UBAP1L: variants seen among roughly 807,000 people sequenced by gnomAD.
The protein encoded by UBAP1L is ubiquitin-associated protein 1-like.
UBAP1L carries 32 observed loss-of-function variants against 32.1 expected under a neutral mutation model. That is an observed-to-expected ratio of 1.00 (90% confidence interval 0.75 to 1.34). UBAP1L has a LOEUF of 1.34. UBAP1L is among the 40% of genes most tolerant of loss of function. The pLI is 0.00. For synonymous variants in UBAP1L, 243 were observed against 250.2 expected, an observed-to-expected ratio of 0.97 and a Z score of 0.27; for missense variants, 516 against 540.5, an observed-to-expected ratio of 0.95 and a Z score of 0.45.
rs1157904492 is a variant in UBAP1L at position 65,102,327 on chromosome 15, G to A, written c.478C>T (p.Arg160Trp). 14 of 1,449,682 alleles carry A rather than the reference G, an allele frequency of 9.7e-6. No individual in the cohort carries two copies. The East Asian group carries it at 1.5e-4, about 16-fold the overall frequency. The allele number at this position is 1,449,682 out of a possible 1,614,324, so 89.8% of individuals were successfully genotyped here. Residue 160 changes from arginine (R) to tryptophan (W), a missense_variant, in exon 3 of 6, where the codon CGG (arginine) becomes TGG (tryptophan). Coordinates refer to ENST00000559089, the MANE Select transcript of UBAP1L (RefSeq NM_001163692.2). This position sits in a 1 kb window ranked among gnomAD's most constrained non-coding sequence, Gnocchi z 5.0. ...ACCAGCTTCCCCTCGGAGAGCCGCC[G>A]CCGCGCCCCTGCCAGCTCCAACCGC... ...GVRLELAGAR[R>W]RLSEGKLVSR...
At position 65,102,030 on chromosome 15, in the gene UBAP1L, G is replaced by A; in HGVS notation, c.699+76C>T. The A allele has an allele frequency of 3.2e-6, 2 of 619,614 alleles. No individual in the cohort carries two copies. Among genetic ancestry groups the A allele is most frequent in the East Asian group, 4.0e-5 (1 of 25,252 alleles). 38.4% of individuals were successfully genotyped at this position (619,614 alleles called of 1,614,324 possible). A position where few individuals can be genotyped will look rare whatever the true frequency, so the allele number is the denominator to read the frequency against. ...GCGTGGAGTAGGGGACCGAGGCTGCGGGCTGGGCTGGACACCCAGATTATG... is the reference window on the plus strand; with the variant it reads ...GCGTGGAGTAGGGGACCGAGGCTGCAGGCTGGGCTGGACACCCAGATTATG... On this transcript the variant is annotated intron_variant, in intron 3 of 5. Transcript: ENST00000559089. The surrounding 1 kb of genome is among the most constrained non-coding windows in gnomAD (Gnocchi z 5.0).
In UBAP1L at chr15:65,102,705, A is replaced by G. The variant is rs1233992977; in HGVS notation, c.121-21T>C. 4.5e-6 allele frequency: 7 copies of G among 1,541,938 alleles called. No individual in the cohort carries two copies. Among genetic ancestry groups the G allele is most frequent in the East Asian group, 4.9e-5 (2 of 40,724 alleles). ...TCGTGCTGCGGAAAGAAGGCGACGT[A>G]AAGCCCAGGGCAAACCAGGACCCCG... On this transcript the variant is annotated intron_variant, in intron 2 of 5. Transcript: ENST00000559089. The surrounding 1 kb of genome is among the most constrained non-coding windows in gnomAD (Gnocchi z 5.0).
chr15:65,101,968 G>A, intron 3 of UBAP1L, 138 bp downstream of exon 3: 3 of 351,064 alleles, frequency 8.5e-6, no homozygotes, highest in Non-Finnish European at 1.5e-5. Context: ...CACGGTACAG[G>A]CCCAGGTGGG....
chr15:65,113,954 T>C (rs944051453), intron 1 of UBAP1L, among the ~76,000 whole-genome samples: 29 of 152,232 alleles, frequency 1.9e-4, no homozygotes, highest in East Asian at 1.2e-3. Context: ...TGGCTCGATC[T>C]CAGCTCACTG....
In UBAP1L at chr15:65,102,517, GTC is replaced by G. The variant is rs1461622920; in HGVS notation, c.286_287del (p.Asp96ProfsTer14). On this transcript the variant is annotated frameshift_variant, in exon 3 of 6. Transcript: ENST00000559089. LOFTEE classifies it high-confidence loss of function. This position sits in a 1 kb window ranked among gnomAD's most constrained non-coding sequence, Gnocchi z 5.0. The stretch of plus-strand genomic sequence containing the variant: ...GCCTCTCCTGGTGTCCGGCCTCCGG[GTC>G]TCTGATTGTGGTGGGCGCAGGCGCC... ...GLAPAPTTIR[D>X]PEAGHQERPE... 6.7e-7 allele frequency: 1 copy of G among 1,484,156 alleles called. No individual in the cohort carries two copies. Among genetic ancestry groups the G allele is most frequent in the Admixed American group, 2.4e-5 (1 of 41,598 alleles). 91.9% of individuals were successfully genotyped at this position (1,484,156 alleles called of 1,614,324 possible).
intron 2 of UBAP1L, chr15:65,105,864 C>A: frequency 1.4e-6 from 1 of 692,930 alleles, no homozygotes; most frequent in Non-Finnish European, 2.6e-6. Context: ...AATCTTGGTT[C>A]ACTGCAACCT....
At chr15:65,105,744 G>T in intron 2 of UBAP1L, 1 of 699,362 alleles carries the variant, frequency 1.4e-6, no homozygotes. Context: ...TGGTAGGTGT[G>T]CCCAGGTCAA....
Position 65,094,871 on chromosome 15 carries a change from C to CATTTTTTA in UBAP1L, c.910-296_910-295insTAAAAAAT. 2.2e-6 allele frequency: 1 copy of CATTTTTTA among 457,304 alleles called. No homozygotes were observed. The allele number at this position is 457,304 out of a possible 1,614,324, so 28.3% of individuals were successfully genotyped here. A position where few individuals can be genotyped will look rare whatever the true frequency, so the allele number is the denominator to read the frequency against. ...GTGTTCATAGAACCTAGGTGGGGAG[C>CATTTTTTA]AGGACAGGCTTCAAACACAGACATC... On this transcript the variant is annotated intron_variant, in intron 4 of 5. Coordinates refer to ENST00000559089, the MANE Select transcript of UBAP1L (RefSeq NM_001163692.2). The surrounding 1 kb of genome is among the most constrained non-coding windows in gnomAD (Gnocchi z 4.2).
At position 65,093,047 on chromosome 15, in the gene UBAP1L, A is replaced by C; in HGVS notation, c.*50T>G. ...AATAATACAGTTAGGATGGGTTGCC[A>C]GGTCTGGCATTGGGCCTAGATGCCC... On this transcript the variant is annotated 3_prime_UTR_variant, in exon 6 of 6. Coordinates refer to ENST00000559089, the MANE Select transcript of UBAP1L (RefSeq NM_001163692.2). 1 of 1,522,514 alleles carries C rather than the reference A, an allele frequency of 6.6e-7. No individual in the cohort carries two copies. Among genetic ancestry groups the C allele is most frequent in the Non-Finnish European group, 8.8e-7 (1 of 1,139,056 alleles). The allele number at this position is 1,522,514 out of a possible 1,614,324, so 94.3% of individuals were successfully genotyped here. A position where few individuals can be genotyped will look rare whatever the true frequency, so the allele number is the denominator to read the frequency against.
chr15:65,094,481 C>T lies in UBAP1L; in HGVS notation c.1005G>A (p.Glu335=), dbSNP rs759951598. The change falls in exon 5 of 6, where the codon GAG becomes GAA. Residue 335 remains glutamate (E), a synonymous_variant. Coordinates refer to ENST00000559089, the MANE Select transcript of UBAP1L (RefSeq NM_001163692.2). This position sits in a 1 kb window ranked among gnomAD's most constrained non-coding sequence, Gnocchi z 4.2. Reference sequence around the variant, plus strand: ...GGCAGGAAGCCCTGCTGACCTGGCTCTCGGAGAACTGGAACATCTCCATGG... The same window carrying T: ...GGCAGGAAGCCCTGCTGACCTGGCTTTCGGAGAACTGGAACATCTCCATGG... ...DEAMEMFQFS[E]SQAGEFLRLW... is the part of the protein sequence containing the mutation. 2.6e-5 allele frequency: 41 copies of T among 1,550,160 alleles called. No individual in the cohort carries two copies. The African/African-American group carries it at 3.8e-4, about 14-fold the overall frequency.
chr15:65,112,296 G>A (rs994626177), intron 1 of UBAP1L, among the ~76,000 whole-genome samples: 2 of 152,184 alleles, frequency 1.3e-5, no homozygotes, highest in Non-Finnish European at 2.9e-5. Flanking sequence ...AGGGTAGACT[G>A]GGGTAGAGCT....
intron 3 of UBAP1L, 58 bp from the exon 4 acceptor site, chr15:65,099,772 C>A: frequency 2.8e-6 from 4 of 1,453,816 alleles, no homozygotes; most frequent in Non-Finnish European, 3.7e-6. Flanking sequence ...CTCAGTTGGG[C>A]TGGACATTTT....
intron 4 of UBAP1L, 96 bp downstream of exon 4, chr15:65,099,409 T>A: frequency 7.6e-7 from 1 of 1,314,236 alleles, no homozygotes; most frequent in South Asian, 1.4e-5. Context: ...CTGATGCTGT[T>A]GTTGGGCCTA....
intron 2 of UBAP1L, 23 bp downstream of exon 2, chr15:65,106,073 C>G (rs756769056): frequency 1.2e-4 from 193 of 1,550,560 alleles, no homozygotes; most frequent in Non-Finnish European, 7.8e-6. Context: ...ACCCAGAAGA[C>G]AGAAACACAG....
At chr15:65,108,288 AAAAAAC>A (rs1168518307) in intron 1 of UBAP1L, among the ~76,000 whole-genome samples, 7 of 152,148 alleles carry the variant, frequency 4.6e-5, no homozygotes, top group Non-Finnish European at 7.4e-5. Flanking sequence ...TGGGGAAAAA[AAAAAAC>A]AAAAACAATA....
chr15:65,110,131 C>T (rs748148675), intron 1 of UBAP1L, among the ~76,000 whole-genome samples: 8 of 151,480 alleles, frequency 5.3e-5, no homozygotes, highest in Admixed American at 3.9e-4. Context: ...GAGGCTGAGG[C>T]GGGCAGATCA....
At chr15:65,097,456 C>T (rs776254839) in intron 4 of UBAP1L, 2 of 152,200 alleles carry the variant, frequency 1.3e-5, no homozygotes, top group African/African-American at 4.8e-5. Context: ...GGTTCTCACA[C>T]AGAAAATGAG....
At chr15:65,112,935 G>A (rs1032728157) in intron 1 of UBAP1L, among the ~76,000 whole-genome samples, 2 of 152,166 alleles carry the variant, frequency 1.3e-5, no homozygotes, top group African/African-American at 4.8e-5. Flanking sequence ...AGCCATTTCA[G>A]GCTAACTCCA....
At chr15:65,109,887 G>A (rs1343204012) in intron 1 of UBAP1L, among the ~76,000 whole-genome samples, 1 of 152,172 alleles carries the variant, frequency 6.6e-6, no homozygotes, top group Non-Finnish European at 1.5e-5. Flanking sequence ...AAGTCACTTA[G>A]TCAACAGTAT....
Sources: allele counts gnomAD v4.1 joint callset (sites outside exome capture counted in the v4.1 genomes callset), GRCh38; gene constraint gnomAD v4.1.1; non-coding constraint Gnocchi (gnomAD v3.1); transcripts MANE v1.5; gene names NCBI Gene and HGNC (gene_info 2026-07-23, HGNC 2026-07-21).